Variants in CAMKMT observed in about 807,000 individuals in gnomAD.
CAMKMT encodes CaM KMT.
A neutral mutation model predicts 48.0 loss-of-function variants in CAMKMT; 53 were observed. That is an observed-to-expected ratio of 1.10 (90% confidence interval 0.89 to 1.39). CAMKMT has a LOEUF of 1.39. Among genes scored for constraint, CAMKMT ranks in the 40% most tolerant of loss-of-function variants. The pLI is 0.00. For missense variants in CAMKMT, 428 were observed against 402.7 expected, an observed-to-expected ratio of 1.06 and a Z score of -0.54; for synonymous variants, 165 against 152.3, an observed-to-expected ratio of 1.08 and a Z score of -0.61.
chr2:44,404,857 A>G (rs1430525035), intron 3 of CAMKMT, among the ~76,000 whole-genome samples: 3 of 152,176 alleles, frequency 2.0e-5, no homozygotes, highest in African/African-American at 7.2e-5. Flanking sequence ...GGAAGTGAAT[A>G]TTAAGAGTGT....
intron 3 of CAMKMT, among the ~76,000 whole-genome samples, chr2:44,513,056 C>T (rs1670647951): frequency 6.6e-6 from 1 of 152,190 alleles, no homozygotes; most frequent in African/African-American, 2.4e-5. Context: ...GGTAATAAAA[C>T]ATTCTGATGA....
chr2:44,586,320 T>C (rs1353335150), intron 3 of CAMKMT, among the ~76,000 whole-genome samples: 2 of 151,150 alleles, frequency 1.3e-5, no homozygotes, highest in Non-Finnish European at 2.9e-5. Flanking sequence ...TTTTAACATA[T>C]GTATATATAT....
intron 3 of CAMKMT, among the ~76,000 whole-genome samples, chr2:44,515,129 A>T (rs1042317231): frequency 6.6e-6 from 1 of 152,202 alleles, no homozygotes; most frequent in Non-Finnish European, 1.5e-5. Context: ...CAGAGGTTTT[A>T]GGATTAACAT....
chr2:44,474,774 T>C (rs1668600661), intron 3 of CAMKMT, among the ~76,000 whole-genome samples: 1 of 152,200 alleles, frequency 6.6e-6, no homozygotes, highest in South Asian at 2.1e-4. Context: ...GATATCTCTA[T>C]TAATTGCACT....
At chr2:44,709,574 G>A (rs1677760343) in intron 6 of CAMKMT, among the ~76,000 whole-genome samples, 1 of 151,988 alleles carries the variant, frequency 6.6e-6, no homozygotes, top group East Asian at 1.9e-4. Flanking sequence ...CTTACAATTG[G>A]CATTCGTTGT....
At chr2:44,673,524 G>GGAAGGAAGGAGGGAAGGAAGGAA (rs1558786891) in intron 3 of CAMKMT, among the ~76,000 whole-genome samples, 35 of 58,268 alleles carry the variant, frequency 6.0e-4, no homozygotes, top group African/African-American at 2.2e-3. Flanking sequence ...GAAGGAAGGA[G>GGAAGGAAGGAGGGAAGGAAGGAA]GGAAGGAAGA....
chr2:44,458,702 G>A (rs898111228), intron 3 of CAMKMT, among the ~76,000 whole-genome samples: 1 of 152,144 alleles, frequency 6.6e-6, no homozygotes, highest in African/African-American at 2.4e-5. Flanking sequence ...TGTTTTAACA[G>A]TTTACAAATG....
At chr2:44,577,376 C>T (rs1011802765) in intron 3 of CAMKMT, among the ~76,000 whole-genome samples, 5 of 152,070 alleles carry the variant, frequency 3.3e-5, no homozygotes, top group East Asian at 3.9e-4. Context: ...CTCAGCACTT[C>T]GGGAGGCCAA....
intron 3 of CAMKMT, among the ~76,000 whole-genome samples, chr2:44,456,294 T>C (rs1372932253): frequency 1.3e-5 from 2 of 152,142 alleles, no homozygotes; most frequent in East Asian, 3.8e-4. Context: ...ATAGAAGTAA[T>C]CTGACTATAG....
At chr2:44,443,189 G>A (rs1296129745) in intron 3 of CAMKMT, among the ~76,000 whole-genome samples, 2 of 152,150 alleles carry the variant, frequency 1.3e-5, no homozygotes, top group African/African-American at 4.8e-5. Context: ...TTATTCACTT[G>A]TATGGTAATC....
chr2:44,552,539 T>C (rs899624171), intron 3 of CAMKMT, among the ~76,000 whole-genome samples: 2 of 152,226 alleles, frequency 1.3e-5, no homozygotes, highest in African/African-American at 2.4e-5. Flanking sequence ...GTGGCAGTGC[T>C]CAGAATCTGG....
intron 3 of CAMKMT, among the ~76,000 whole-genome samples, chr2:44,624,480 C>T (rs1672368722): frequency 6.6e-6 from 1 of 151,994 alleles, no homozygotes; most frequent in South Asian, 2.1e-4. Flanking sequence ...CTCCCCTGTG[C>T]CCCCACCCCA....
At chr2:44,580,256 A>AATAAAATAAAATAAC in intron 3 of CAMKMT, among the ~76,000 whole-genome samples, 1 of 151,618 alleles carries the variant, frequency 6.6e-6, no homozygotes, top group Non-Finnish European at 1.5e-5. Flanking sequence ...AATAAAATAA[A>AATAAAATAAAATAAC]ATAAAATAAA....
rs1337667390 is a variant in CAMKMT, at chr2:44,514,485, G to A, written c.376+124180G>A. On this transcript the variant is annotated intron_variant, in intron 3 of 10. Coordinates refer to ENST00000378494, the MANE Select transcript of CAMKMT (RefSeq NM_024766.5). ...GTGCTTCTTTGCTCTGAGAGCAGGCGGACATTGGTTTATGGTGGCTAGTTT... is the reference window on the plus strand; with the variant it reads ...GTGCTTCTTTGCTCTGAGAGCAGGCAGACATTGGTTTATGGTGGCTAGTTT... Among the ~76,000 whole-genome samples, 7 of 152,298 alleles carry A rather than the reference G, an allele frequency of 4.6e-5. No individual in the cohort carries two copies. In the East Asian group the frequency reaches 9.6e-4, roughly 21 times the overall value.
rs150558226 is a variant in CAMKMT, at chr2:44,391,779, C to T, written c.376+1474C>T. On this transcript the variant is annotated intron_variant, in intron 3 of 10. Coordinates refer to ENST00000378494, the MANE Select transcript of CAMKMT (RefSeq NM_024766.5). ...GAATGACTGTCTTAGCCTTCTCTAACATTTTTTCCCATCAACTTGTTCCAT... is the reference window on the plus strand; with the variant it reads ...GAATGACTGTCTTAGCCTTCTCTAATATTTTTTCCCATCAACTTGTTCCAT... 2.1e-3 allele frequency: 318 copies of T among 153,182 alleles called. 8 individuals are homozygous for T. Among genetic ancestry groups the T allele is most frequent in the Admixed American group, 0.019 (288 of 15,302 alleles). 9.5% of individuals were successfully genotyped at this position (153,182 alleles called of 1,614,324 possible).
chr2:44,736,076 A>T (rs963026093), intron 7 of CAMKMT, among the ~76,000 whole-genome samples: 1 of 152,232 alleles, frequency 6.6e-6, no homozygotes, highest in African/African-American at 2.4e-5. Context: ...TTTAAGTAAT[A>T]AGAAACAGTC....
At chr2:44,670,228 A>G (rs1158820067) in intron 3 of CAMKMT, among the ~76,000 whole-genome samples, 1 of 152,182 alleles carries the variant, frequency 6.6e-6, no homozygotes, top group East Asian at 1.9e-4. Context: ...GAAATTGCTT[A>G]TATGTGATGA....
chr2:44,759,085 G>A (rs930002654), intron 9 of CAMKMT, among the ~76,000 whole-genome samples: 3 of 152,154 alleles, frequency 2.0e-5, no homozygotes, highest in Admixed American at 2.0e-4. Flanking sequence ...TATCTCCAAG[G>A]TGTGCTATAA....
At chr2:44,512,350 A>G (rs891444964) in intron 3 of CAMKMT, among the ~76,000 whole-genome samples, 1 of 152,264 alleles carries the variant, frequency 6.6e-6, no homozygotes, top group Non-Finnish European at 1.5e-5. Flanking sequence ...ATGAAATAAG[A>G]AAACATATAA....
Sources: allele counts gnomAD v4.1 joint callset (sites outside exome capture counted in the v4.1 genomes callset), GRCh38; gene constraint gnomAD v4.1.1; transcripts MANE v1.5; gene names NCBI Gene and HGNC (gene_info 2026-07-23, HGNC 2026-07-21).